TFEC: variants seen among roughly 807,000 people sequenced by gnomAD.
TFEC encodes the protein class E basic helix-loop-helix protein 34.
Under a neutral mutation model 41.6 loss-of-function variants are expected in TFEC, and 31 were observed. The observed-to-expected ratio is 0.74, with a 90% confidence interval of 0.56 to 1.01. The LOEUF is 1.01. Among genes scored for constraint, TFEC ranks in the 50% least tolerant of loss-of-function variants. TFEC has a pLI of 0.00. For missense variants in TFEC, 402 were observed against 404.1 expected (o/e 0.99, Z 0.04); for synonymous variants, 143 against 140.6 (o/e 1.02, Z -0.12).
intron 3 of TFEC, among the ~76,000 whole-genome samples, chr7:116,082,570 T>C (rs980461675): frequency 8.6e-5 from 13 of 152,040 alleles, no homozygotes; most frequent in African/African-American, 2.9e-4. Context: ...AAAGAAACTA[T>C]GCTAAATTAA....
chr7:116,048,300 C>A (rs1359847547), intron 3 of TFEC, among the ~76,000 whole-genome samples: 3 of 152,202 alleles, frequency 2.0e-5, no homozygotes, highest in African/African-American at 7.2e-5. Flanking sequence ...CCTGAAGGAG[C>A]TGAAAACCAT....
chr7:115,967,550 C>T (rs1466217367), intron 3 of TFEC, among the ~76,000 whole-genome samples: 1 of 151,734 alleles, frequency 6.6e-6, no homozygotes, highest in Non-Finnish European at 1.5e-5. Flanking sequence ...ATTAATATTC[C>T]TCTAAATTTG....
At chr7:116,115,560 C>T (rs1217867917) in intron 1 of TFEC, among the ~76,000 whole-genome samples, 1 of 151,896 alleles carries the variant, frequency 6.6e-6, no homozygotes, top group Non-Finnish European at 1.5e-5. Flanking sequence ...CTGACGTCTG[C>T]ATCCCTCTTA....
chr7:116,149,946 A>G (rs371744833), intron 1 of TFEC, among the ~76,000 whole-genome samples: 5 of 152,286 alleles, frequency 3.3e-5, no homozygotes, highest in Admixed American at 1.3e-4. Context: ...TGGGGCATCC[A>G]TGCAGTAAAC....
rs570647996 is a variant in TFEC, at chr7:116,124,095, T to G, written c.-68-12057A>C. On this transcript the variant is annotated intron_variant, in intron 1 of 8. Coordinates refer to the TFEC transcript ENST00000484212. The stretch of plus-strand genomic sequence containing the variant: ...TTCCATGAGTGGAAAAAGATTAATT[T>G]TATCCACCTTTATTATGTAAAATGC... Among the ~76,000 whole-genome samples, 4 of 152,226 alleles carry G rather than the reference T, an allele frequency of 2.6e-5. No individual in the cohort carries two copies. In the South Asian group the frequency reaches 8.3e-4, roughly 32 times the overall value.
intron 3 of TFEC, among the ~76,000 whole-genome samples, chr7:116,043,741 C>T (rs573442198): frequency 6.6e-6 from 1 of 152,244 alleles, no homozygotes; most frequent in African/African-American, 2.4e-5. Flanking sequence ...CCACCTGATG[C>T]ACTCCTACCA....
intron 3 of TFEC, among the ~76,000 whole-genome samples, chr7:116,080,957 G>A (rs1470705220): frequency 2.0e-5 from 3 of 149,544 alleles, no homozygotes; most frequent in Non-Finnish European, 4.4e-5. Context: ...ATCAATCAAC[G>A]AGTGGATAAA....
chr7:116,001,267 T>C (rs1794583076), intron 1 of TFEC, among the ~76,000 whole-genome samples: 1 of 151,866 alleles, frequency 6.6e-6, no homozygotes, highest in Non-Finnish European at 1.5e-5. Flanking sequence ...CAAATGACAA[T>C]ATGACCCTAT....
chr7:116,038,524 T>A (rs1795962173), intron 3 of TFEC, among the ~76,000 whole-genome samples: 1 of 152,060 alleles, frequency 6.6e-6, no homozygotes, highest in Non-Finnish European at 1.5e-5. Context: ...TATTTAAAAT[T>A]GGGAAAGGAA....
rs1214960045 is a variant in TFEC, at chr7:116,078,711, T to G, written c.198+31997A>C. 4.0e-5 allele frequency among the ~76,000 whole-genome samples: 6 copies of G among 151,702 alleles called. No homozygotes were observed. The East Asian group carries it at 9.7e-4, about 24-fold the overall frequency. The stretch of plus-strand genomic sequence containing the variant: ...TAATTTTTAAAATTGCCAATACAAA[T>G]AGTCCAGGACCAGACAGATTCACAG... On this transcript the variant is annotated intron_variant, in intron 3 of 8. Coordinates refer to the TFEC transcript ENST00000484212.
At chr7:116,066,972 TAAG>T (rs1796709237) in intron 3 of TFEC, among the ~76,000 whole-genome samples, 1 of 152,072 alleles carries the variant, frequency 6.6e-6, no homozygotes, top group Non-Finnish European at 1.5e-5. Context: ...ATCATTCACT[TAAG>T]AAGTGTATGT....
intron 6 of TFEC, among the ~76,000 whole-genome samples, chr7:115,943,231 G>T (rs1289560728): frequency 6.6e-6 from 1 of 151,942 alleles, no homozygotes; most frequent in Non-Finnish European, 1.5e-5. Flanking sequence ...CAGGGGGTGA[G>T]GGGAATGAGT....
intron 3 of TFEC, among the ~76,000 whole-genome samples, chr7:116,080,813 T>G (rs1437432554): frequency 1.3e-5 from 2 of 152,122 alleles, no homozygotes; most frequent in African/African-American, 4.8e-5. Context: ...ATATCTATCA[T>G]TTGATCCAGC....
chr7:116,082,688 A>G (rs977461425), intron 3 of TFEC, among the ~76,000 whole-genome samples: 1 of 151,964 alleles, frequency 6.6e-6, no homozygotes, highest in African/African-American at 2.4e-5. Context: ...TGATAATGCC[A>G]TAATTTTTTT....
chr7:116,078,364 A>T (rs937918152), intron 3 of TFEC, among the ~76,000 whole-genome samples: 1 of 152,040 alleles, frequency 6.6e-6, no homozygotes, highest in Non-Finnish European at 1.5e-5. Flanking sequence ...ATTGAAACAA[A>T]CAAAAATATA....
At chr7:115,991,145 G>C (rs1794091820) in intron 1 of TFEC, among the ~76,000 whole-genome samples, 1 of 151,854 alleles carries the variant, frequency 6.6e-6, no homozygotes, top group Non-Finnish European at 1.5e-5. Flanking sequence ...TCATAAAGGA[G>C]AAATAAAATC....
At chr7:115,973,050 G>A (rs2130592959) in intron 3 of TFEC, among the ~76,000 whole-genome samples, 1 of 151,572 alleles carries the variant, frequency 6.6e-6, no homozygotes, top group East Asian at 1.9e-4. Context: ...GAAATCTGAA[G>A]AGAAAAAAGG....
intron 1 of TFEC, among the ~76,000 whole-genome samples, chr7:116,152,811 A>C (rs1798788135): frequency 2.0e-5 from 3 of 152,226 alleles, no homozygotes; most frequent in African/African-American, 7.2e-5. Flanking sequence ...AAAATACTAA[A>C]AATTCCATAA....
intron 3 of TFEC, among the ~76,000 whole-genome samples, chr7:116,100,842 G>T (rs1361856360): frequency 1.3e-5 from 2 of 151,884 alleles, no homozygotes; most frequent in African/African-American, 4.8e-5. Context: ...GTTAGGGTGA[G>T]AACACACCAT....
Sources: gnomAD v4.1 joint callset for allele counts (sites outside exome capture counted in the v4.1 genomes callset) on GRCh38, gnomAD v4.1.1 for gene constraint, MANE v1.5 for transcripts, NCBI Gene and HGNC (gene_info 2026-07-23, HGNC 2026-07-21) for gene names.